Variants in GPM6A observed in about 807,000 individuals in gnomAD.
GPM6A encodes neuronal membrane glycoprotein M6-a.
In GPM6A, 7 loss-of-function variants were observed where a neutral mutation model predicts 32.1. The observed-to-expected ratio is 0.22, with a 90% CI of 0.12 to 0.41. GPM6A has a LOEUF of 0.41. Among genes scored for constraint, GPM6A ranks in the 10% least tolerant of loss-of-function variants. The pLI is 1.00. For missense variants in GPM6A, 235 were observed against 347.2 expected, an observed-to-expected ratio of 0.68 and a Z score of 2.57; for synonymous variants, 130 against 123.4, an observed-to-expected ratio of 1.05 and a Z score of -0.35.
intron 1 of GPM6A, among the ~76,000 whole-genome samples, chr4:175,789,582 CA>C (rs1277080815): frequency 6.6e-6 from 1 of 151,796 alleles, no homozygotes; most frequent in African/African-American, 2.4e-5. Context: ...ACATGAATAA[CA>C]AAAAAAACAT....
intron 5 of GPM6A, 100 bp from the exon 6 acceptor site, chr4:175,640,294 A>C: frequency 1.1e-6 from 1 of 882,520 alleles, no homozygotes; most frequent in Admixed American, 2.0e-5. Context: ...GTACATCTTA[A>C]ATAAAAGCGA....
chr4:175,743,072 C>T (rs960424466), intron 1 of GPM6A, among the ~76,000 whole-genome samples: 3 of 151,858 alleles, frequency 2.0e-5, no homozygotes, highest in African/African-American at 7.3e-5. Context: ...ACAAAATATT[C>T]TTTTTTTCTT....
At chr4:175,661,434 CAAAA>C (rs3032612) in intron 3 of GPM6A, among the ~76,000 whole-genome samples, 8 of 111,866 alleles carry the variant, frequency 7.2e-5, no homozygotes, top group Admixed American at 2.6e-4. Flanking sequence ...GACTCTGTCT[CAAAA>C]AAAAAAAAAA....
chr4:175,857,586 G>A (rs1736453205), intron 1 of GPM6A, among the ~76,000 whole-genome samples: 1 of 152,056 alleles, frequency 6.6e-6, no homozygotes, highest in Non-Finnish European at 1.5e-5. Context: ...AACCATATCA[G>A]TAATAACATT....
intron 1 of GPM6A, chr4:175,970,943 G>A (rs1740483374): frequency 8.8e-6 from 4 of 454,070 alleles, no homozygotes; most frequent in Admixed American, 2.4e-5. Flanking sequence ...GTGCGGTACA[G>A]AGATGGACGC....
chr4:175,652,518 C>T (rs1191862894), intron 3 of GPM6A, among the ~76,000 whole-genome samples: 1 of 151,712 alleles, frequency 6.6e-6, no homozygotes, highest in African/African-American at 2.4e-5. Context: ...TTTTTATAAA[C>T]TTAAGTCTGT....
At chr4:175,996,331 C>A (rs762099051) in intron 1 of GPM6A, among the ~76,000 whole-genome samples, 1 of 152,106 alleles carries the variant, frequency 6.6e-6, no homozygotes, top group Non-Finnish European at 1.5e-5. Context: ...TATGGTGAAA[C>A]CCCTAGTGAC....
At chr4:175,677,893 C>A (rs757079736) in intron 2 of GPM6A, among the ~76,000 whole-genome samples, 9 of 152,296 alleles carry the variant, frequency 5.9e-5, no homozygotes, top group Non-Finnish European at 1.2e-4. Flanking sequence ...TTGAATAATT[C>A]TTTCAACACA....
At chr4:175,988,425 C>T (rs1262278422) in intron 1 of GPM6A, among the ~76,000 whole-genome samples, 1 of 152,088 alleles carries the variant, frequency 6.6e-6, no homozygotes, top group Non-Finnish European at 1.5e-5. Context: ...AAATTGTTGT[C>T]CTATGAAAGA....
intron 1 of GPM6A, among the ~76,000 whole-genome samples, chr4:175,704,373 C>T (rs1020651888): frequency 1.3e-5 from 2 of 151,998 alleles, no homozygotes; most frequent in East Asian, 3.9e-4. Context: ...CCCACACACA[C>T]ACAATGTGGG....
chr4:175,852,370 A>G (rs1249712391), intron 1 of GPM6A, among the ~76,000 whole-genome samples: 1 of 151,984 alleles, frequency 6.6e-6, no homozygotes, highest in African/African-American at 2.4e-5. Context: ...TTACGGAGAT[A>G]AATGAATCGC....
intron 1 of GPM6A, among the ~76,000 whole-genome samples, chr4:175,991,939 A>G (rs1333460270): frequency 6.6e-6 from 1 of 152,078 alleles, no homozygotes; most frequent in African/African-American, 2.4e-5. Context: ...CATTTCTAGG[A>G]CTTGTAAAAT....
At chr4:175,672,190 A>C (rs903421918) in intron 3 of GPM6A, among the ~76,000 whole-genome samples, 5 of 152,146 alleles carry the variant, frequency 3.3e-5, no homozygotes, top group Non-Finnish European at 7.4e-5. Flanking sequence ...AATTGACTGC[A>C]CTCGTCCTGG....
At chr4:175,762,755 A>G (rs911384369) in intron 1 of GPM6A, among the ~76,000 whole-genome samples, 1 of 152,230 alleles carries the variant, frequency 6.6e-6, no homozygotes, top group Non-Finnish European at 1.5e-5. Flanking sequence ...GGGCCAGTGC[A>G]GATGATTGCT....
intron 1 of GPM6A, among the ~76,000 whole-genome samples, chr4:175,904,879 C>A (rs1354765196): frequency 6.6e-6 from 1 of 152,016 alleles, no homozygotes; most frequent in Non-Finnish European, 1.5e-5. Flanking sequence ...TTAAAATTTG[C>A]CATTTCTTAG....
chr4:175,746,553 C>G (rs1732112519), intron 1 of GPM6A, among the ~76,000 whole-genome samples: 2 of 152,102 alleles, frequency 1.3e-5, no homozygotes, highest in Non-Finnish European at 2.9e-5. Flanking sequence ...AGGTAAGTTT[C>G]TGAAGTGTGT....
In GPM6A at chr4:175,924,952, C is replaced by A. The variant is rs191069269; in HGVS notation, c.-23+77357G>T. On this transcript the variant is annotated intron_variant, in intron 1 of 7. Coordinates refer to the GPM6A transcript ENST00000280187. ...ATTTATACAATTTATTTTGGGAAAG[C>A]TTTTTAATTTTGTAAAGAACATTAG... 3.1e-3 allele frequency among the ~76,000 whole-genome samples: 473 copies of A among 151,700 alleles called. 4 individuals are homozygous for A. Among genetic ancestry groups the A allele is most frequent in the African/African-American group, 0.011 (460 of 41,370 alleles).
chr4:175,924,623 T>A (rs993236158), intron 1 of GPM6A, among the ~76,000 whole-genome samples: 1 of 152,118 alleles, frequency 6.6e-6, no homozygotes, highest in Non-Finnish European at 1.5e-5. Context: ...ACGGATCACC[T>A]GAGGTCAGGG....
Position 175,664,427 on chromosome 4 carries a change from C to A in GPM6A, c.387+9253G>T, listed in dbSNP as rs571029330. ...GATTTTAATAGGAGGGGAGGCTGCA[C>A]ATATGTAAGAAAAAGGAGTATATGT... On this transcript the variant is annotated intron_variant, in intron 3 of 6. Coordinates refer to ENST00000393658, the MANE Select transcript of GPM6A (RefSeq NM_201591.3). Among the ~76,000 whole-genome samples the A allele has an allele frequency of 8.4e-4, 128 of 152,224 alleles. 1 individual carries two copies. In the South Asian group the frequency reaches 0.019, roughly 23 times the overall value.
Sources: gnomAD v4.1 joint callset for allele counts (sites outside exome capture counted in the v4.1 genomes callset) on GRCh38, gnomAD v4.1.1 for gene constraint, MANE v1.5 for transcripts, NCBI Gene and HGNC (gene_info 2026-07-23, HGNC 2026-07-21) for gene names.